SIRT7: variants seen among roughly 807,000 people sequenced by gnomAD.
SIRT7 encodes the protein sirtuin 7, also known as NAD-dependent protein deacetylase sirtuin-7.
Under a neutral mutation model 42.8 loss-of-function variants are expected in SIRT7, and 32 were observed. That is an observed-to-expected ratio of 0.75 (90% CI 0.56 to 1.00). The LOEUF is 1.00. Among genes scored for constraint, SIRT7 ranks in the 50% least tolerant of loss-of-function variants. SIRT7 has a pLI of 0.00. For synonymous variants in SIRT7, 297 were observed against 245.2 expected (o/e 1.21, Z -1.97); for missense variants, 553 against 572.2 (o/e 0.97, Z 0.34).
chr17:81,917,808 G>T, intron 2 of SIRT7, 22 bp downstream of exon 2: 1 of 1,408,234 alleles, frequency 7.1e-7, no homozygotes, highest in Non-Finnish European at 9.2e-7. Context: ...GGGGGCGCCC[G>T]CGCGCCGCAC....
chr17:81,913,012 C>G lies in SIRT7; in HGVS notation c.1005-398G>C, dbSNP rs3786152. ...GGGCAGGTGGACCAGACCCTCTCCC[C>G]CTTCCCAGCTGACTAGGGAGGCGTG... On this transcript the variant is annotated intron_variant, in intron 9 of 9. Transcript: ENST00000328666. This position sits in a 1 kb window ranked among gnomAD's most constrained non-coding sequence, Gnocchi z 5.0. The G allele has an allele frequency of 1.3e-4, 49 of 367,882 alleles. No individual in the cohort carries two copies. Among genetic ancestry groups the G allele is most frequent in the Non-Finnish European group, 2.2e-4 (42 of 193,238 alleles). The allele number at this position is 367,882 out of a possible 1,614,324, so 22.8% of individuals were successfully genotyped here. A position where few individuals can be genotyped will look rare whatever the true frequency, so the allele number is the denominator to read the frequency against.
chr17:81,914,833 C>G (rs373506868), intron 5 of SIRT7, 131 bp from the exon 6 acceptor site: 1 of 706,504 alleles, frequency 1.4e-6, no homozygotes, highest in African/African-American at 1.8e-5. Flanking sequence ...TCCGTCCCCC[C>G]AGAGAGCCTT....
chr17:81,912,244 G>T lies in SIRT7; in HGVS notation c.*172C>A. On this transcript the variant is annotated 3_prime_UTR_variant, in exon 10 of 10. Coordinates refer to ENST00000328666, the MANE Select transcript of SIRT7 (RefSeq NM_016538.3). Reference sequence around the variant, plus strand: ...GTCCTCGATGGCCAGGCCGTATCAGGGTACAACCGCAGCAGTGCAAGGGGC... The same window carrying T: ...GTCCTCGATGGCCAGGCCGTATCAGTGTACAACCGCAGCAGTGCAAGGGGC... The T allele has an allele frequency of 1.3e-6, 1 of 784,776 alleles. No individual in the cohort carries two copies. The highest frequency in any genetic ancestry group is 2.1e-6 in the Non-Finnish European group (1 of 481,188). 48.6% of individuals were successfully genotyped at this position (784,776 alleles called of 1,614,324 possible). A position where few individuals can be genotyped will look rare whatever the true frequency, so the allele number is the denominator to read the frequency against.
Position 81,915,489 on chromosome 17 carries a change from T to C in SIRT7, c.431A>G (p.Glu144Gly), listed in dbSNP as rs2040777657. 2 of 1,613,678 alleles carry C rather than the reference T, an allele frequency of 1.2e-6. No homozygotes were observed. Among genetic ancestry groups the C allele is most frequent in the Non-Finnish European group, 1.7e-6 (2 of 1,179,934 alleles). ...SVSAADLSEA[E>G]PTLTHMSITR... ...GATGCTCATGTGGGTGAGGGTTGGCTCGGCCTCGCTCAGGTCGGCAGCACT... is the reference window on the plus strand; with the variant it reads ...GATGCTCATGTGGGTGAGGGTTGGCCCGGCCTCGCTCAGGTCGGCAGCACT... The change falls in exon 5 of 10, where the codon GAG (glutamate) becomes GGG (glycine). Residue 144 changes from glutamate (E) to glycine (G), a missense_variant. Glu to Gly is a moderately conservative substitution (Grantham distance 98). Transcript: ENST00000328666.
intron 5 of SIRT7, 125 bp downstream of exon 5, chr17:81,915,315 G>A (rs925514872): frequency 4.7e-5 from 52 of 1,103,422 alleles, no homozygotes; most frequent in East Asian, 7.7e-5. Context: ...GGCCTAACCC[G>A]CTTGGTGGGT....
chr17:81,918,136 C>A lies in SIRT7; in HGVS notation c.-5G>T. ...GCTCAGACCCCCGGCTGCCATCGCT[C>A]CCCTGGAGACCTGCTCTTCCGCTTC... On this transcript the variant is annotated 5_prime_UTR_variant, in exon 1 of 10. Transcript: ENST00000328666. 1 of 1,544,374 alleles carries A rather than the reference C, an allele frequency of 6.5e-7. No individual in the cohort carries two copies. The highest frequency in any genetic ancestry group is 2.6e-5 in the East Asian group (1 of 38,776).
chr17:81,917,819 G>A lies in SIRT7; in HGVS notation c.231+11C>T. The A allele has an allele frequency of 7.1e-7, 1 of 1,415,346 alleles. No individual in the cohort carries two copies. The highest frequency in any genetic ancestry group is 9.2e-7 in the Non-Finnish European group (1 of 1,091,222). The allele number at this position is 1,415,346 out of a possible 1,614,324, so 87.7% of individuals were successfully genotyped here. On this transcript the variant is annotated intron_variant, in intron 2 of 9. Transcript: ENST00000328666. ...AACCGGGGGCGCCCGCGCGCCGCACGCGGAACTCGCCTCCTCCTGCCGCCG... is the reference window on the plus strand; with the variant it reads ...AACCGGGGGCGCCCGCGCGCCGCACACGGAACTCGCCTCCTCCTGCCGCCG...
In SIRT7 at chr17:81,913,455, G is replaced by A. The variant is rs1362508270; in HGVS notation, c.1004+319C>T. 3.6e-5 allele frequency: 16 copies of A among 442,252 alleles called. No homozygotes were observed. The highest frequency in any genetic ancestry group is 6.4e-4 in the Middle Eastern group (1 of 1,560). 27.4% of individuals were successfully genotyped at this position (442,252 alleles called of 1,614,324 possible). ...CAGATTCTGTCTGACCAGAGCTGCC[G>A]AGTGCTCGTCCCCTCCAGATGCTTC... On this transcript the variant is annotated intron_variant, in intron 9 of 9. Transcript: ENST00000328666. This position sits in a 1 kb window ranked among gnomAD's most constrained non-coding sequence, Gnocchi z 5.0.
intron 3 of SIRT7, chr17:81,916,760 C>T (rs941506392): frequency 6.6e-6 from 1 of 152,206 alleles, no homozygotes. Context: ...CCACCGCGCC[C>T]AGCATGACTG....
Position 81,917,923 on chromosome 17 carries a change from C to T in SIRT7, c.138G>A (p.Glu46=), listed in dbSNP as rs2040837438. 10 of 1,410,550 alleles carry T rather than the reference C, an allele frequency of 7.1e-6. No individual in the cohort carries two copies. In the Admixed American group the frequency reaches 8.1e-5, roughly 11 times the overall value. The allele number at this position is 1,410,550 out of a possible 1,614,324, so 87.4% of individuals were successfully genotyped here. Residue 46 remains glutamate, a synonymous_variant, in exon 2 of 10, where the codon GAG becomes GAA. Transcript: ENST00000328666. ...CGCTCTCGGCCAGCAGCCGGCCCTC[C>T]TCGGCGCTGCGCTCCGCCGCCGCCT... The part of the protein sequence containing the change: ...LRKAAAERSA[E]EGRLLAESAD...
At chr17:81,914,552 G>C (rs1259500488) in intron 6 of SIRT7, 22 bp from the exon 7 acceptor site, 7 of 1,612,852 alleles carry the variant, frequency 4.3e-6, no homozygotes, top group Non-Finnish European at 5.1e-6. Flanking sequence ...AGGGCACAGT[G>C]AGTGGGACCC....
intron 3 of SIRT7, 119 bp from the exon 4 acceptor site, chr17:81,915,800 G>GGCCA: frequency 8.8e-7 from 1 of 1,138,746 alleles, no homozygotes; most frequent in Non-Finnish European, 1.3e-6. Flanking sequence ...CCTGCATGTT[G>GGCCA]GCCTCTATTC....
Position 81,914,451 on chromosome 17 carries a change from T to C in SIRT7, c.659A>G (p.Gln220Arg). ...VTERTALHRH[Q>R]TGRTCHKCGT... ...ACACTTGTGGCAGGTCCGGCCTGTC[T>C]GGTGTCTGTGGAGGGCAGTGCGCTC... Residue 220 changes from glutamine to arginine, a missense_variant, in exon 7 of 10, where the codon CAG (glutamine) becomes CGG (arginine). Transcript: ENST00000328666. The C allele has an allele frequency of 6.2e-7, 1 of 1,612,968 alleles. No individual in the cohort carries two copies. The highest frequency in any genetic ancestry group is 8.5e-7 in the Non-Finnish European group (1 of 1,180,014).
Position 81,912,090 on chromosome 17 carries a change from C to T in SIRT7, c.*326G>A, listed in dbSNP as rs933048669. ...GTAGAAATACGGTGAGGCCCTGAGACTGGCCTGGTGAGCGAGGAAAGGCCG... is the reference window on the plus strand; with the variant it reads ...GTAGAAATACGGTGAGGCCCTGAGATTGGCCTGGTGAGCGAGGAAAGGCCG... On this transcript the variant is annotated 3_prime_UTR_variant, in exon 10 of 10. Coordinates refer to ENST00000328666, the MANE Select transcript of SIRT7 (RefSeq NM_016538.3). 1.8e-5 allele frequency: 8 copies of T among 438,476 alleles called. No individual in the cohort carries two copies. The highest frequency in any genetic ancestry group is 4.0e-5 in the African/African-American group (2 of 49,614). 27.2% of individuals were successfully genotyped at this position (438,476 alleles called of 1,614,324 possible). A position where few individuals can be genotyped will look rare whatever the true frequency, so the allele number is the denominator to read the frequency against.
rs1340862020 is a variant in SIRT7, at chr17:81,915,143, G to A, written c.480+297C>T. 13 of 533,100 alleles carry A rather than the reference G, an allele frequency of 2.4e-5. No individual in the cohort carries two copies. The Admixed American group carries it at 2.8e-4, about 12-fold the overall frequency. The allele number at this position is 533,100 out of a possible 1,614,324, so 33.0% of individuals were successfully genotyped here. ...CAGAGATGTCCTATAAGCCTCCCCT[G>A]TGACTAGGATGGCTTCTGAGGTCCA... On this transcript the variant is annotated intron_variant, in intron 5 of 9. Transcript: ENST00000328666.
Position 81,915,632 on chromosome 17 carries a change from A to C in SIRT7, c.386T>G (p.Leu129Arg). ...TTACCTAACGCTTCTCCCTTTCTGA[A>C]GCAGTGTCCACACTCCATTAGGGCC... ...YRGPNGVWTL[L>R]QKGRSVSAAD... The change falls in exon 4 of 10, where the codon CTT (leucine) becomes CGT (arginine). Residue 129 changes from leucine to arginine, a missense_variant. By Grantham distance (102) the Leu-to-Arg change is moderately radical. Coordinates refer to ENST00000328666, the MANE Select transcript of SIRT7 (RefSeq NM_016538.3). 1 of 1,613,952 alleles carries C rather than the reference A, an allele frequency of 6.2e-7. No homozygotes were observed.
chr17:81,915,878 G>T (rs1199569433), intron 3 of SIRT7, 197 bp from the exon 4 acceptor site: 1 of 616,104 alleles, frequency 1.6e-6, no homozygotes, highest in South Asian at 1.8e-5. Context: ...CTTCTACCTG[G>T]ACTTCCGTTT....
At position 81,912,436 on chromosome 17, in the gene SIRT7, T is replaced by C; in HGVS notation, c.1183A>G (p.Lys395Glu). The change falls in exon 10 of 10, where the codon AAA becomes GAA. Residue 395 changes from lysine to glutamate, a missense_variant. Physicochemically the swap from Lys to Glu is moderately conservative, Grantham distance 56. Coordinates refer to ENST00000328666, the MANE Select transcript of SIRT7 (RefSeq NM_016538.3). ...CGTGATTACGTCACTTTCTTCCTTT[T>C]TGTGCGTTTTGTGCAGCCCCTGCCA... ...WFGRGCTKRT[K>E]RKKVT 2 of 1,614,058 alleles carry C rather than the reference T, an allele frequency of 1.2e-6. No individual in the cohort carries two copies. The highest frequency in any genetic ancestry group is 1.7e-6 in the Non-Finnish European group (2 of 1,180,004).
Position 81,914,290 on chromosome 17 carries a change from G to C in SIRT7, c.816+4C>G. ...GGTTCACTCATTGTGTCATCGGCAC[G>C]TACCTTCAGGCTGGACCCTAGACAC... On this transcript the variant is annotated splice_donor_region_variant and intron_variant, in intron 7 of 9. Transcript: ENST00000328666. The C allele has an allele frequency of 6.2e-7, 1 of 1,613,018 alleles. No individual in the cohort carries two copies. Among genetic ancestry groups the C allele is most frequent in the Non-Finnish European group, 8.5e-7 (1 of 1,179,906 alleles).
Sources: allele counts gnomAD v4.1 joint callset, GRCh38; gene constraint gnomAD v4.1.1; non-coding constraint Gnocchi (gnomAD v3.1); transcripts MANE v1.5; gene names NCBI Gene and HGNC (gene_info 2026-07-23, HGNC 2026-07-21).